ARMCX4: variants seen among roughly 807,000 people sequenced by gnomAD.
The protein encoded by ARMCX4 is armadillo repeat containing X-linked 4.
In ARMCX4, 3 loss-of-function variants were observed where a neutral mutation model predicts 34.7. That is an observed-to-expected ratio of 0.09 (90% CI 0.04 to 0.22). The LOEUF (loss-of-function observed/expected upper bound fraction) is 0.22, where lower values mean the gene tolerates loss of function less well. Ranked by LOEUF, ARMCX4 falls within the 10% of genes least tolerant of loss-of-function variation. The pLI is 1.00. For synonymous variants in ARMCX4, 513 were observed against 632.8 expected (o/e 0.81, Z 2.84); for missense variants, 1,448 against 1,720.8 (o/e 0.84, Z 2.81).
At position 101,429,475 on chromosome X, in the gene ARMCX4, A is replaced by C. The variant is rs1013266965; in HGVS notation, n.164+10475A>C. On this transcript the variant is annotated intron_variant and non_coding_transcript_variant, in intron 2 of 3. Coordinates refer to the ARMCX4 transcript ENST00000430461. ...CTCAGCCTCCCGAGTAGCTGGGACTACAGGCATGCGCCACCATGCCTGGCT... is the reference window on the plus strand; with the variant it reads ...CTCAGCCTCCCGAGTAGCTGGGACTCCAGGCATGCGCCACCATGCCTGGCT... 2.8e-5 allele frequency among the ~76,000 whole-genome samples: 3 copies of C among 107,776 alleles called. No homozygotes were observed. The East Asian group carries it at 8.8e-4, about 32-fold the overall frequency. 93.6% of individuals were successfully genotyped at this position (107,776 alleles called of 115,157 possible). A position where few individuals can be genotyped will look rare whatever the true frequency, so the allele number is the denominator to read the frequency against.
At chrX:101,484,914 T>C (rs1556006131), upstream of ARMCX4, among the ~76,000 whole-genome samples, 1 of 72,818 alleles carries the variant, frequency 1.4e-5, no homozygotes, top group Non-Finnish European at 3.4e-5. Flanking sequence ...GAATGTCATA[T>C]TAAAAGAAAA....
downstream of ARMCX4, among the ~76,000 whole-genome samples, chrX:101,535,253 CAT>C (rs1452544268): frequency 5.4e-5 from 6 of 111,519 alleles, no homozygotes; most frequent in African/African-American, 1.3e-4. Flanking sequence ...ACAGGACAAA[CAT>C]AAAGAATAAC....
At chrX:101,510,368 T>G (rs1370595308) in intron 10 of ARMCX4, among the ~76,000 whole-genome samples, 1 of 112,071 alleles carries the variant, frequency 8.9e-6, no homozygotes, top group Non-Finnish European at 1.9e-5. Context: ...TAGAAAGCTC[T>G]CTTCCAATGA....
At chrX:101,419,723 C>T (rs1394736818) in intron 2 of ARMCX4, among the ~76,000 whole-genome samples, 1 of 111,370 alleles carries the variant, frequency 9.0e-6, no homozygotes, top group Non-Finnish European at 1.9e-5. Flanking sequence ...AACTCCCTCA[C>T]CCTTGATACC....
upstream of ARMCX4, among the ~76,000 whole-genome samples, chrX:101,483,713 G>A (rs1933571338): frequency 9.1e-6 from 1 of 110,112 alleles, no homozygotes; most frequent in South Asian, 3.8e-4. Context: ...CTTTACCAAA[G>A]TTTAAAATTT....
chrX:101,487,453 G>A (rs1933789276), intron 3 of ARMCX4, among the ~76,000 whole-genome samples, 155 bp from the exon 4 acceptor site: 2 of 107,307 alleles, frequency 1.9e-5, no homozygotes, highest in African/African-American at 6.8e-5. Context: ...AGTATGACTG[G>A]GGGAAGACTT....
intron 11 of ARMCX4, among the ~76,000 whole-genome samples, chrX:101,527,339 G>A (rs1556020877): frequency 8.9e-6 from 1 of 111,946 alleles, no homozygotes; most frequent in African/African-American, 3.3e-5. Flanking sequence ...GCAGTGTGTA[G>A]AGTGAAATTT....
downstream of ARMCX4, among the ~76,000 whole-genome samples, chrX:101,499,707 A>G (rs1390909721): frequency 8.9e-6 from 1 of 112,236 alleles, no homozygotes; most frequent in East Asian, 2.8e-4. Flanking sequence ...CCTGACCTGC[A>G]GAGAGCTATG....
Position 101,490,333 on chromosome X carries a change from G to C in ARMCX4, c.1744G>C (p.Ala582Pro), listed in dbSNP as rs61747522. The C allele has an allele frequency of 4.0e-3, 4,614 of 1,153,658 alleles. 11 individuals carry two copies. Among genetic ancestry groups the C allele is most frequent in the Non-Finnish European group, 4.9e-3 (4,273 of 872,343 alleles). ...TGCCACTTCTAAAGCCGGGACTAAGGCAGACCAGAGGGTCTGTGGTCAGCC... is the reference window on the plus strand; with the variant it reads ...TGCCACTTCTAAAGCCGGGACTAAGCCAGACCAGAGGGTCTGTGGTCAGCC... ...PNATSKAGTKADQRVCGQPLV... is the reference protein window; with the variant it reads ...PNATSKAGTKPDQRVCGQPLV... Residue 582 changes from alanine to proline, a missense_variant, in exon 6 of 6, where the codon GCA becomes CCA. Coordinates refer to ENST00000423738, the MANE Select transcript of ARMCX4 (RefSeq NM_001256155.3).
chrX:101,459,672 A>T (rs189895480), intron 4 of ARMCX4, among the ~76,000 whole-genome samples: 4 of 112,192 alleles, frequency 3.6e-5, no homozygotes, highest in Non-Finnish European at 7.5e-5. Flanking sequence ...ACAATTTTTT[A>T]AAAAAGGAAA....
chrX:101,509,939 C>T (rs1934538918), intron 10 of ARMCX4, among the ~76,000 whole-genome samples: 1 of 111,602 alleles, frequency 9.0e-6, no homozygotes, highest in African/African-American at 3.3e-5. Context: ...TACTCCAGTT[C>T]TTTTTTATAT....
At chrX:101,515,745 T>G (rs1934731047) in intron 11 of ARMCX4, among the ~76,000 whole-genome samples, 1 of 107,723 alleles carries the variant, frequency 9.3e-6, no homozygotes, top group Non-Finnish European at 1.9e-5. Flanking sequence ...TTTTGCTATG[T>G]TGGTCAATCT....
chrX:101,425,863 C>T (rs1929589328), intron 2 of ARMCX4, among the ~76,000 whole-genome samples: 2 of 111,119 alleles, frequency 1.8e-5, no homozygotes, highest in African/African-American at 3.3e-5. Context: ...CGCTGTTGCC[C>T]AGGCTGGAGT....
At chrX:101,528,032 A>C (rs1935020500) in intron 11 of ARMCX4, among the ~76,000 whole-genome samples, 1 of 111,789 alleles carries the variant, frequency 8.9e-6, no homozygotes, top group African/African-American at 3.3e-5. Flanking sequence ...CACACACAAA[A>C]AAGAGAATTT....
intron 2 of ARMCX4, among the ~76,000 whole-genome samples, chrX:101,428,610 C>G (rs1555991366): frequency 8.9e-6 from 1 of 111,766 alleles, no homozygotes; most frequent in African/African-American, 3.3e-5. Context: ...TTCTTTTTCT[C>G]TCCATCTCTC....
chrX:101,423,167 C>T (rs1164969098), intron 2 of ARMCX4, among the ~76,000 whole-genome samples: 3 of 109,835 alleles, frequency 2.7e-5, no homozygotes, highest in Non-Finnish European at 5.7e-5. Context: ...GCCTCGGCCC[C>T]CCAAAGTGCT....
chrX:101,424,586 G>A lies in ARMCX4; in HGVS notation n.164+5586G>A, dbSNP rs1317764468. The stretch of plus-strand genomic sequence containing the variant: ...TTCAATTAGAGGACATCCAGCTGGT[G>A]TCCACTGCAAAACTGATTGCTTGAT... On this transcript the variant is annotated intron_variant and non_coding_transcript_variant, in intron 2 of 3. Transcript: ENST00000430461. 4.5e-5 allele frequency among the ~76,000 whole-genome samples: 5 copies of A among 111,761 alleles called. No homozygotes were observed. The East Asian group carries it at 1.4e-3, about 32-fold the overall frequency.
chrX:101,497,888 C>G (rs781905815), downstream of ARMCX4, among the ~76,000 whole-genome samples: 3 of 112,021 alleles, frequency 2.7e-5, no homozygotes, highest in South Asian at 1.1e-3. Context: ...ATTCTACCAT[C>G]TGCTGCCCTG....
intron 2 of ARMCX4, among the ~76,000 whole-genome samples, chrX:101,439,670 T>C (rs1280118851): frequency 1.8e-5 from 2 of 111,869 alleles, no homozygotes; most frequent in Admixed American, 9.5e-5. Context: ...GAGGCTTTGT[T>C]CGTTTCTTTG....
Sources: allele counts gnomAD v4.1 joint callset (sites outside exome capture counted in the v4.1 genomes callset), GRCh38; gene constraint gnomAD v4.1.1; transcripts MANE v1.5; gene names NCBI Gene and HGNC (gene_info 2026-07-23, HGNC 2026-07-21).